The following SGMS2 variants were observed in gnomAD, a reference collection of about 807,000 sequenced individuals.
The protein encoded by SGMS2 is phosphatidylcholine:ceramide cholinephosphotransferase 2.
In SGMS2, 21 loss-of-function variants were observed where a neutral mutation model predicts 43.8. The ratio of observed to expected loss-of-function variants is 0.48; its 90% CI spans 0.34 to 0.69. The LOEUF is 0.69. Ranked by LOEUF, SGMS2 falls within the 30% of genes least tolerant of loss-of-function variation. SGMS2 has a pLI of 0.01. For synonymous variants in SGMS2, 167 were observed against 160.6 expected, an observed-to-expected ratio of 1.04 and a Z score of -0.30; for missense variants, 384 against 443.2, an observed-to-expected ratio of 0.87 and a Z score of 1.20.
intron 2 of SGMS2, among the ~76,000 whole-genome samples, chr4:107,882,070 T>C (rs1729400282): frequency 1.3e-5 from 2 of 152,294 alleles, no homozygotes; most frequent in Admixed American, 1.3e-4. Context: ...GCAATAAACA[T>C]GGGAGTGCAG....
chr4:107,849,229 G>A lies in SGMS2; in HGVS notation c.-326-9243G>A, dbSNP rs547076289. 4.6e-5 allele frequency among the ~76,000 whole-genome samples: 7 copies of A among 152,064 alleles called. No individual in the cohort carries two copies. In the East Asian group the frequency reaches 1.2e-3, roughly 25 times the overall value. On this transcript the variant is annotated intron_variant, in intron 1 of 6. Transcript: ENST00000690982. ...CTGTGTCTACAGGAGGGTACAATGC[G>A]TTGCCTTTCTCCTTAGTTATGTCTG...
intron 6 of SGMS2, among the ~76,000 whole-genome samples, 175 bp from the exon 7 acceptor site, chr4:107,910,175 T>C (rs1228207583): frequency 1.3e-5 from 2 of 152,032 alleles, no homozygotes; most frequent in Non-Finnish European, 1.5e-5. Flanking sequence ...GACACCTAGG[T>C]GTGTTAGGGG....
At chr4:107,824,929 A>G (rs1198706861), upstream of SGMS2, 1 of 151,260 alleles carries the variant, frequency 6.6e-6, no homozygotes, top group African/African-American at 2.4e-5. Flanking sequence ...GGCCGCGGTC[A>G]ACACTGAGCG....
chr4:107,833,139 T>C (rs1280877750), intron 1 of SGMS2, among the ~76,000 whole-genome samples: 20 of 152,218 alleles, frequency 1.3e-4, no homozygotes, highest in Admixed American at 1.2e-3. Flanking sequence ...GAAGGAAGCA[T>C]GCATTCTCCC....
chr4:107,844,335 T>C (rs1157491342), intron 1 of SGMS2, among the ~76,000 whole-genome samples: 1 of 147,462 alleles, frequency 6.8e-6, no homozygotes, highest in Non-Finnish European at 1.5e-5. Context: ...AAAAAAAAAA[T>C]GCTCTTTTTA....
chr4:107,899,504 T>C (rs1287331689), intron 3 of SGMS2, 71 bp from the exon 4 acceptor site: 2 of 992,526 alleles, frequency 2.0e-6, no homozygotes, highest in Admixed American at 2.0e-5. Flanking sequence ...TGTTAAACAT[T>C]GTTTTATTTT....
intron 2 of SGMS2, among the ~76,000 whole-genome samples, chr4:107,877,381 C>A (rs1728988785): frequency 6.6e-6 from 1 of 152,228 alleles, no homozygotes; most frequent in South Asian, 2.1e-4. Flanking sequence ...GTAAATTAAA[C>A]CCTGAGGTAT....
intron 1 of SGMS2, among the ~76,000 whole-genome samples, chr4:107,831,122 T>C (rs369844346): frequency 6.6e-6 from 1 of 152,200 alleles, no homozygotes; most frequent in Non-Finnish European, 1.5e-5. Flanking sequence ...ACAGAGCTGG[T>C]GGGAAGTAGA....
intron 2 of SGMS2, among the ~76,000 whole-genome samples, chr4:107,882,443 T>C (rs1729433093): frequency 1.3e-5 from 2 of 152,222 alleles, no homozygotes; most frequent in Admixed American, 1.3e-4. Context: ...TGCTTATTTT[T>C]TTACTCAGAC....
chr4:107,843,908 T>C (rs1260237367), intron 1 of SGMS2, among the ~76,000 whole-genome samples: 1 of 152,240 alleles, frequency 6.6e-6, no homozygotes, highest in Non-Finnish European at 1.5e-5. Flanking sequence ...AAAATTATTT[T>C]TGGGGACCTG....
At chr4:107,886,240 C>T (rs1026322051) in intron 2 of SGMS2, among the ~76,000 whole-genome samples, 13 of 151,800 alleles carry the variant, frequency 8.6e-5, no homozygotes, top group African/African-American at 3.1e-4. Flanking sequence ...CACTCCATCA[C>T]CCAGGCTGGA....
chr4:107,890,117 A>G (rs1382208796), intron 2 of SGMS2, among the ~76,000 whole-genome samples: 1 of 152,184 alleles, frequency 6.6e-6, no homozygotes, highest in Non-Finnish European at 1.5e-5. Flanking sequence ...TGCAGTAACT[A>G]TTTTAGTCAA....
intron 1 of SGMS2, among the ~76,000 whole-genome samples, chr4:107,825,620 CTT>C (rs201101875): frequency 2.0e-4 from 23 of 116,270 alleles, no homozygotes; most frequent in African/African-American, 6.6e-4. Flanking sequence ...TTTTCTTTCT[CTT>C]TTTTTTTTTT....
intron 1 of SGMS2, among the ~76,000 whole-genome samples, chr4:107,841,457 A>G (rs72675566): frequency 0.026 from 3,921 of 151,852 alleles, 71 homozygotes; most frequent in Middle Eastern, 0.037. Flanking sequence ...TCAAGCACCA[A>G]TCTTTGCCCT....
At chr4:107,901,716 G>T (rs1345488152) in intron 4 of SGMS2, among the ~76,000 whole-genome samples, 1 of 152,160 alleles carries the variant, frequency 6.6e-6, no homozygotes, top group African/African-American at 2.4e-5. Flanking sequence ...GTTCTTCAAA[G>T]TGTGTTTACA....
chr4:107,860,518 G>A (rs911120171), intron 2 of SGMS2, among the ~76,000 whole-genome samples: 1 of 150,594 alleles, frequency 6.6e-6, no homozygotes, highest in African/African-American at 2.5e-5. Context: ...ATCTCTGAGA[G>A]GAAGGTGTTT....
At chr4:107,835,342 G>T (rs1726112726) in intron 1 of SGMS2, among the ~76,000 whole-genome samples, 1 of 152,134 alleles carries the variant, frequency 6.6e-6, no homozygotes, top group Non-Finnish European at 1.5e-5. Flanking sequence ...TTTCATATTT[G>T]TAATACTTTT....
chr4:107,890,381 T>C (rs1300111830), intron 2 of SGMS2, among the ~76,000 whole-genome samples: 2 of 151,746 alleles, frequency 1.3e-5, no homozygotes, highest in Non-Finnish European at 2.9e-5. Context: ...AAGAAAAAAT[T>C]TAAAAAACGG....
At chr4:107,836,998 C>T (rs1726222620) in intron 1 of SGMS2, among the ~76,000 whole-genome samples, 1 of 152,162 alleles carries the variant, frequency 6.6e-6, no homozygotes, top group Admixed American at 6.5e-5. Context: ...GGATAGGTTG[C>T]CTTGGATTTC....
Sources: allele counts gnomAD v4.1 joint callset (sites outside exome capture counted in the v4.1 genomes callset), GRCh38; gene constraint gnomAD v4.1.1; transcripts MANE v1.5; gene names NCBI Gene and HGNC (gene_info 2026-07-23, HGNC 2026-07-21).